The following SIAH3 variants were observed in gnomAD, a reference collection of about 807,000 sequenced individuals.
SIAH3 encodes seven in absentia homolog 3.
A neutral mutation model predicts 12.6 loss-of-function variants in SIAH3; 9 were observed. The ratio of observed to expected loss-of-function variants is 0.72; its 90% confidence interval spans 0.43 to 1.25. SIAH3 has a LOEUF of 1.25. SIAH3 is among the 50% of genes most tolerant of loss of function. SIAH3 has a pLI of 0.00. For synonymous variants in SIAH3, 154 were observed against 151.1 expected, an observed-to-expected ratio of 1.02 and a Z score of -0.14; for missense variants, 390 against 365.4, an observed-to-expected ratio of 1.07 and a Z score of -0.55.
rs1170786844 is a variant in SIAH3, at chr13:45,782,715, G to A, written c.*668C>T. 6.6e-6 allele frequency: 1 copy of A among 152,172 alleles called. No homozygotes were observed. The highest frequency in any genetic ancestry group is 2.4e-5 in the African/African-American group (1 of 41,422). 9.4% of individuals were successfully genotyped at this position (152,172 alleles called of 1,614,324 possible). A position where few individuals can be genotyped will look rare whatever the true frequency, so the allele number is the denominator to read the frequency against. On this transcript the variant is annotated 3_prime_UTR_variant, in exon 2 of 2. Coordinates refer to ENST00000400405, the MANE Select transcript of SIAH3 (RefSeq NM_198849.3). ...AACAAGGTGACAAGAGCCCGTCACA[G>A]GAAGGTGGGCCTCTGACTACTCTCC...
At position 45,780,105 on chromosome 13, in the gene SIAH3, G is replaced by A. The variant is rs183375329; in HGVS notation, c.*3278C>T. 59 of 152,320 alleles carry A rather than the reference G, an allele frequency of 3.9e-4. No homozygotes were observed. Among genetic ancestry groups the A allele is most frequent in the African/African-American group, 1.3e-3 (55 of 41,560 alleles). The allele number at this position is 152,320 out of a possible 1,614,324, so 9.4% of individuals were successfully genotyped here. ...GAGTCATTAACTCTTGCACCTTGGT[G>A]TGAATGAGGCAACCAGATCCCAGCG... On this transcript the variant is annotated 3_prime_UTR_variant, in exon 2 of 2. Coordinates refer to ENST00000400405, the MANE Select transcript of SIAH3 (RefSeq NM_198849.3).
chr13:45,837,105 A>G (rs1950720462), intron 1 of SIAH3, among the ~76,000 whole-genome samples: 1 of 152,198 alleles, frequency 6.6e-6, no homozygotes, highest in South Asian at 2.1e-4. Flanking sequence ...TCGTCTTCTC[A>G]GCTTCACATG....
intron 1 of SIAH3, among the ~76,000 whole-genome samples, chr13:45,848,361 G>A (rs1950767918): frequency 6.6e-6 from 1 of 152,174 alleles, no homozygotes; most frequent in Non-Finnish European, 1.5e-5. Flanking sequence ...TGAAAGCTGA[G>A]GTCTCTTATG....
Position 45,851,671 on chromosome 13 carries a change from G to T in SIAH3, c.-42C>A. On this transcript the variant is annotated 5_prime_UTR_variant, in exon 1 of 2. Transcript: ENST00000400405. Reference sequence around the variant, plus strand: ...TTGTTGGTCCGGGAAGGCAGCGGAGGAAGCTGTGAGTCCTTGGGCCCTGGA... The same window carrying T: ...TTGTTGGTCCGGGAAGGCAGCGGAGTAAGCTGTGAGTCCTTGGGCCCTGGA... 3 of 1,613,354 alleles carry T rather than the reference G, an allele frequency of 1.9e-6. No individual in the cohort carries two copies. Among genetic ancestry groups the T allele is most frequent in the Non-Finnish European group, 2.5e-6 (3 of 1,179,598 alleles).
chr13:45,846,020 G>T (rs1021759888), intron 1 of SIAH3, among the ~76,000 whole-genome samples: 1 of 148,534 alleles, frequency 6.7e-6, no homozygotes, highest in African/African-American at 2.5e-5. Context: ...CATTAACTTA[G>T]CATAATTTGA....
intron 1 of SIAH3, among the ~76,000 whole-genome samples, chr13:45,822,520 AAT>A (rs36106322): frequency 0.19 from 16,134 of 84,988 alleles, 1,484 homozygotes; most frequent in Middle Eastern, 0.27. Context: ...TTCATTATCA[AAT>A]ATATATATAT....
rs564429623 is a variant in SIAH3, at chr13:45,845,674, T to A, written c.135+5821A>T. Reference sequence around the variant, plus strand: ...CTGTAAAACACTCTGTTGTGTTTTGTATGTTTCTCTTAAAAATGTAAATAA... The same window carrying A: ...CTGTAAAACACTCTGTTGTGTTTTGAATGTTTCTCTTAAAAATGTAAATAA... On this transcript the variant is annotated intron_variant, in intron 1 of 1. Coordinates refer to ENST00000400405, the MANE Select transcript of SIAH3 (RefSeq NM_198849.3). Among the ~76,000 whole-genome samples the A allele has an allele frequency of 3.1e-4, 47 of 152,340 alleles. 1 individual carries two copies. The South Asian group carries it at 8.9e-3, about 29-fold the overall frequency.
chr13:45,811,722 G>A (rs1950617128), intron 1 of SIAH3, among the ~76,000 whole-genome samples: 1 of 152,214 alleles, frequency 6.6e-6, no homozygotes, highest in Admixed American at 6.5e-5. Context: ...GCGTTCTGAA[G>A]TCAGAGTTCA....
intron 1 of SIAH3, among the ~76,000 whole-genome samples, chr13:45,849,754 C>G (rs1950773032): frequency 6.6e-6 from 1 of 152,224 alleles, no homozygotes; most frequent in Non-Finnish European, 1.5e-5. Context: ...TAACACCTCT[C>G]TATTCTCCAT....
Position 45,851,612 on chromosome 13 carries a change from C to A in SIAH3, c.18G>T (p.Gln6His). The A allele has an allele frequency of 6.2e-7, 1 of 1,614,192 alleles. No homozygotes were observed. Among genetic ancestry groups the A allele is most frequent in the Non-Finnish European group, 8.5e-7 (1 of 1,180,032 alleles). ...TGAGATCTAATACAGCCCCAAAGCA[C>A]TGGGTAAAGAAAAGCATCACAACTT... The part of the protein sequence containing the change: MLFFT[Q>H]CFGAVLDLIH... The change falls in exon 1 of 2, where the codon CAG (glutamine) becomes CAT (histidine). Residue 6 changes from glutamine to histidine, a missense_variant. Physicochemically the swap from Gln to His is conservative, Grantham distance 24. Coordinates refer to ENST00000400405, the MANE Select transcript of SIAH3 (RefSeq NM_198849.3).
chr13:45,788,415 G>A (rs1446596053), intron 1 of SIAH3, among the ~76,000 whole-genome samples: 2 of 152,204 alleles, frequency 1.3e-5, no homozygotes, highest in African/African-American at 2.4e-5. Context: ...CCCTCAGTCA[G>A]TCAGTGGATG....
rs61953047 is a variant in SIAH3, at chr13:45,792,079, G to A, written c.136-8022C>T. On this transcript the variant is annotated intron_variant, in intron 1 of 1. Coordinates refer to ENST00000400405, the MANE Select transcript of SIAH3 (RefSeq NM_198849.3). The stretch of plus-strand genomic sequence containing the variant: ...TCTAGACCACACTCTGCATAAGTGC[G>A]ATGCTGGAATTCCCTACCCAGTGTC... Among the ~76,000 whole-genome samples, 441 of 152,294 alleles carry A rather than the reference G, an allele frequency of 2.9e-3. 2 individuals are homozygous for A. The highest frequency in any genetic ancestry group is 4.6e-3 in the Non-Finnish European group (316 of 68,020).
rs1950507474 is a variant in SIAH3 at position 45,782,284 on chromosome 13, G to A, written c.*1099C>T. ...CCGTGGTCACGTCTGCGTGCTGAAT[G>A]GGACGGTAGGAGCATTTTAGAAAGT... On this transcript the variant is annotated 3_prime_UTR_variant, in exon 2 of 2. Transcript: ENST00000400405. 1 of 152,210 alleles carries A rather than the reference G, an allele frequency of 6.6e-6. No individual in the cohort carries two copies. The highest frequency in any genetic ancestry group is 1.5e-5 in the Non-Finnish European group (1 of 68,042). The allele number at this position is 152,210 out of a possible 1,614,324, so 9.4% of individuals were successfully genotyped here. A position where few individuals can be genotyped will look rare whatever the true frequency, so the allele number is the denominator to read the frequency against.
chr13:45,824,537 A>G (rs908888778), intron 1 of SIAH3, among the ~76,000 whole-genome samples: 3 of 152,212 alleles, frequency 2.0e-5, no homozygotes, highest in African/African-American at 7.2e-5. Context: ...AAGGCAGAGT[A>G]TCTGGGGTTG....
intron 1 of SIAH3, among the ~76,000 whole-genome samples, chr13:45,819,613 C>T (rs1332921794): frequency 1.3e-5 from 2 of 152,288 alleles, no homozygotes; most frequent in Middle Eastern, 3.4e-3. Context: ...GGTGGCCACA[C>T]AATGTGGCTT....
intron 1 of SIAH3, among the ~76,000 whole-genome samples, chr13:45,821,795 C>T (rs532926068): frequency 1.3e-5 from 2 of 152,130 alleles, no homozygotes; most frequent in Non-Finnish European, 2.9e-5. Flanking sequence ...AGTCAAGAGA[C>T]AGTTTGTTGC....
At chr13:45,850,751 A>T (rs990967825) in intron 1 of SIAH3, among the ~76,000 whole-genome samples, 4 of 152,152 alleles carry the variant, frequency 2.6e-5, no homozygotes, top group African/African-American at 7.2e-5. Flanking sequence ...GCCCCGGGGC[A>T]GCTAGGCAGC....
At chr13:45,825,457 C>T (rs548274449) in intron 1 of SIAH3, among the ~76,000 whole-genome samples, 3 of 152,310 alleles carry the variant, frequency 2.0e-5, no homozygotes, top group African/African-American at 4.8e-5. Context: ...AAACGGATTT[C>T]CCCCAAGCCA....
At chr13:45,836,026 A>G (rs1950716515) in intron 1 of SIAH3, among the ~76,000 whole-genome samples, 1 of 152,168 alleles carries the variant, frequency 6.6e-6, no homozygotes, top group African/African-American at 2.4e-5. Flanking sequence ...AGTCATTTAT[A>G]CCAGGCCTGG....
Sources: gnomAD v4.1 joint callset for allele counts (sites outside exome capture counted in the v4.1 genomes callset) on GRCh38, gnomAD v4.1.1 for gene constraint, MANE v1.5 for transcripts, NCBI Gene and HGNC (gene_info 2026-07-23, HGNC 2026-07-21) for gene names.